The following WNK1 variants were observed in gnomAD, a reference collection of about 807,000 sequenced individuals.
WNK1 encodes WNK lysine deficient protein kinase 1, also known as serine/threonine-protein kinase WNK1.
Under a neutral mutation model 222.8 loss-of-function variants are expected in WNK1, and 38 were observed. The ratio of observed to expected loss-of-function variants is 0.17; its 90% CI spans 0.13 to 0.22. The LOEUF is 0.22. Among genes scored for constraint, WNK1 ranks in the 10% least tolerant of loss-of-function variants. The pLI is 1.00. For synonymous variants in WNK1, 1,090 were observed against 1,092.9 expected (o/e 1.00, Z 0.05); for missense variants, 2,348 against 2,918.4 (o/e 0.80, Z 4.50).
At chr12:858,345 G>A (rs923183756) in intron 5 of WNK1, among the ~76,000 whole-genome samples, 3 of 151,768 alleles carry the variant, frequency 2.0e-5, no homozygotes, top group Admixed American at 6.6e-5. Flanking sequence ...GCACATCACC[G>A]CACCTGGCTA....
chr12:898,658 C>T (rs1041472738), intron 25 of WNK1, among the ~76,000 whole-genome samples: 1 of 151,982 alleles, frequency 6.6e-6, no homozygotes, highest in African/African-American at 2.4e-5. Flanking sequence ...ACAACAGCCT[C>T]AAACTCCTAG....
rs368621387 is a variant in WNK1 at position 885,188 on chromosome 12, G to C, written c.4384G>C (p.Gly1462Arg). 3.7e-5 allele frequency: 59 copies of C among 1,614,006 alleles called. No homozygotes were observed. Among genetic ancestry groups the C allele is most frequent in the Non-Finnish European group, 4.7e-5 (55 of 1,180,038 alleles). Residue 1462 changes from glycine to arginine, a missense_variant, in exon 19 of 28, where the codon GGC becomes CGC. Coordinates refer to ENST00000315939, the MANE Select transcript of WNK1 (RefSeq NM_018979.4). ...TTCAGCAACTTCAGCCTCTGCAGGG[G>C]GCAGTACTGCTACCCCAGGTCCTAA... ...TVSATSASAG[G>R]STATPGPKPP...
chr12:780,800 G>C (rs1289588914), intron 1 of WNK1, among the ~76,000 whole-genome samples: 3 of 152,198 alleles, frequency 2.0e-5, no homozygotes, highest in Admixed American at 2.0e-4. Context: ...AGTAAACTGA[G>C]TGGTAGAGTT....
intron 8 of WNK1, among the ~76,000 whole-genome samples, chr12:870,518 G>A (rs1215327448): frequency 6.6e-6 from 1 of 152,120 alleles, no homozygotes; most frequent in Non-Finnish European, 1.5e-5. Context: ...CCTATATATA[G>A]TCCTGCATCA....
At chr12:760,373 C>G (rs987610497) in intron 1 of WNK1, among the ~76,000 whole-genome samples, 1 of 147,426 alleles carries the variant, frequency 6.8e-6, no homozygotes, top group Non-Finnish European at 1.5e-5. Flanking sequence ...AAGGCAGAAC[C>G]CTTGAGTTCT....
At chr12:845,106 G>A (rs551014613) in intron 4 of WNK1, among the ~76,000 whole-genome samples, 308 of 151,276 alleles carry the variant, frequency 2.0e-3, no homozygotes, top group Admixed American at 3.6e-3. Context: ...CGTTTTAGCC[G>A]GGATGGTCTC....
rs537982565 is a variant in WNK1, at chr12:771,927, G to A, written c.759+17603G>A. Among the ~76,000 whole-genome samples the A allele has an allele frequency of 7.2e-5, 11 of 152,088 alleles. No homozygotes were observed. In the South Asian group the frequency reaches 2.3e-3, roughly 32 times the overall value. On this transcript the variant is annotated intron_variant, in intron 1 of 27. Coordinates refer to ENST00000315939, the MANE Select transcript of WNK1 (RefSeq NM_018979.4). ...AGCCTCCCAAAGTATTGGGATTACA[G>A]GCTTGAGAAACCCTCTTAATTTAAG... is the stretch of plus-strand genomic sequence containing the variant.
chr12:867,321 C>T (rs16931965), intron 8 of WNK1, among the ~76,000 whole-genome samples: 19,703 of 152,102 alleles, frequency 0.13, 1,521 homozygotes, highest in Middle Eastern at 0.18. Flanking sequence ...CACCAAAAAT[C>T]TCTTCTGATT....
chr12:792,359 C>G (rs1231996140), intron 1 of WNK1, among the ~76,000 whole-genome samples: 1 of 130,922 alleles, frequency 7.6e-6, no homozygotes, highest in East Asian at 2.3e-4. Flanking sequence ...GTCACCCAGG[C>G]TGGAGCGCAG....
intron 2 of WNK1, among the ~76,000 whole-genome samples, chr12:823,386 CTTT>C (rs1197349550): frequency 2.6e-5 from 4 of 152,118 alleles, no homozygotes; most frequent in Admixed American, 2.6e-4. Flanking sequence ...TTTCTGTCTT[CTTT>C]ATCTAGGACT....
intron 2 of WNK1, among the ~76,000 whole-genome samples, chr12:820,378 C>T (rs1359288277): frequency 6.7e-6 from 1 of 150,284 alleles, no homozygotes; most frequent in Non-Finnish European, 1.5e-5. Flanking sequence ...TATATAAATA[C>T]AACTGATTTT....
intron 2 of WNK1, among the ~76,000 whole-genome samples, chr12:821,750 T>G (rs937287419): frequency 2.0e-5 from 3 of 152,236 alleles, no homozygotes; most frequent in African/African-American, 7.2e-5. Context: ...TTGTTATTTT[T>G]TATGGATTGG....
At chr12:773,615 C>G (rs1279904093) in intron 1 of WNK1, among the ~76,000 whole-genome samples, 1 of 152,278 alleles carries the variant, frequency 6.6e-6, no homozygotes, top group East Asian at 1.9e-4. Flanking sequence ...GCCTGTTCCT[C>G]CCTCTCATGA....
chr12:895,866 G>C (rs1954693608), intron 23 of WNK1, among the ~76,000 whole-genome samples: 2 of 152,210 alleles, frequency 1.3e-5, no homozygotes, highest in South Asian at 4.1e-4. Context: ...CAGCCACACA[G>C]AATCTGCATC....
rs183247245 is a variant in WNK1, at chr12:822,254, C to T, written c.933-4788C>T. Among the ~76,000 whole-genome samples, 548 of 151,970 alleles carry T rather than the reference C, an allele frequency of 3.6e-3. 3 individuals carry two copies. The highest frequency in any genetic ancestry group is 0.017 in the Middle Eastern group (5 of 294). ...GATTATAGGTACTCACCACCACGCC[C>T]AGCTAATTTTTGTATTTTTAGTAGA... On this transcript the variant is annotated intron_variant, in intron 2 of 27. Coordinates refer to ENST00000315939, the MANE Select transcript of WNK1 (RefSeq NM_018979.4).
intron 8 of WNK1, 79 bp from the exon 9 acceptor site, chr12:871,186 A>G: frequency 7.6e-7 from 1 of 1,317,402 alleles, no homozygotes; most frequent in Non-Finnish European, 1.1e-6. Flanking sequence ...AGGAGATTAA[A>G]TATTCATTGC....
chr12:755,478 G>T (rs915994482), intron 1 of WNK1, among the ~76,000 whole-genome samples: 1 of 152,172 alleles, frequency 6.6e-6, no homozygotes, highest in Non-Finnish European at 1.5e-5. Flanking sequence ...ACAGCATGTG[G>T]AAGTAAACTT....
At chr12:791,005 T>G (rs2153980240) in intron 1 of WNK1, among the ~76,000 whole-genome samples, 1 of 152,272 alleles carries the variant, frequency 6.6e-6, no homozygotes, top group Non-Finnish European at 1.5e-5. Context: ...AAGGGAAATG[T>G]GCTATGTTTG....
intron 1 of WNK1, among the ~76,000 whole-genome samples, chr12:775,107 T>G (rs1826918370): frequency 1.3e-5 from 2 of 152,172 alleles, no homozygotes; most frequent in African/African-American, 4.8e-5. Context: ...TGGATTTATC[T>G]TCATGGATAT....
Sources: gnomAD v4.1 joint callset for allele counts (sites outside exome capture counted in the v4.1 genomes callset) on GRCh38, gnomAD v4.1.1 for gene constraint, MANE v1.5 for transcripts, NCBI Gene and HGNC (gene_info 2026-07-23, HGNC 2026-07-21) for gene names.